Variants in DNAH3 observed in about 807,000 individuals in gnomAD.
DNAH3 encodes axonemal beta dynein heavy chain 3.
A neutral mutation model predicts 432.5 loss-of-function variants in DNAH3; 332 were observed. That is an observed-to-expected ratio of 0.77 (90% CI 0.70 to 0.84). The LOEUF (loss-of-function observed/expected upper bound fraction) is 0.84. Among genes scored for constraint, DNAH3 ranks in the 40% least tolerant of loss-of-function variants. DNAH3 has a pLI of 0.00. For missense variants in DNAH3, 4,861 were observed against 5,114.0 expected, an observed-to-expected ratio of 0.95 and a Z score of 1.51; for synonymous variants, 1,956 against 1,900.2, an observed-to-expected ratio of 1.03 and a Z score of -0.76.
chr16:21,067,598 T>A lies in DNAH3; in HGVS notation c.3382-179A>T, dbSNP rs146858648. 7.8e-4 allele frequency among the ~76,000 whole-genome samples: 119 copies of A among 152,052 alleles called. 1 individual carries two copies. The East Asian group carries it at 0.022, about 28-fold the overall frequency. On this transcript the variant is annotated intron_variant, in intron 23 of 61. Transcript: ENST00000261383. ...ATGGAACATGACCTTGTTCCTCTGA[T>A]CATGGTTGACTGGGCAGGGATTGGG... is the stretch of plus-strand genomic sequence containing the variant.
At chr16:20,944,776 GACACACACACAC>G in intron 57 of DNAH3, 113 bp from the exon 58 acceptor site, 1 of 701,038 alleles carries the variant, frequency 1.4e-6, no homozygotes, top group East Asian at 2.8e-5. Context: ...AGTAGCACAG[GACACACACACAC>G]ACACACACAC....
chr16:21,093,648 G>C (rs1256194801), intron 18 of DNAH3, among the ~76,000 whole-genome samples: 1 of 152,134 alleles, frequency 6.6e-6, no homozygotes, highest in Non-Finnish European at 1.5e-5. Context: ...AATGAAGTTA[G>C]AAGAATCACA....
At chr16:21,040,358 A>ATATTTTTTTTTTTTT (rs771791969) in intron 32 of DNAH3, among the ~76,000 whole-genome samples, 3 of 79,744 alleles carry the variant, frequency 3.8e-5, no homozygotes, top group African/African-American at 1.7e-4. Flanking sequence ...AGCCAGACAG[A>ATATTTTTTTTTTTTT]TTTTTTTTTT....
intron 7 of DNAH3, among the ~76,000 whole-genome samples, chr16:21,130,883 T>C (rs914631009): frequency 9.2e-5 from 14 of 152,168 alleles, no homozygotes; most frequent in African/African-American, 3.4e-4. Flanking sequence ...CTCACTAGTT[T>C]CTATGTTAAT....
chr16:21,014,436 G>C (rs1011500235), intron 41 of DNAH3, among the ~76,000 whole-genome samples: 1 of 152,140 alleles, frequency 6.6e-6, no homozygotes, highest in Non-Finnish European at 1.5e-5. Context: ...CAGTAAACTA[G>C]TAATAGAGGG....
At chr16:20,953,136 T>A (rs1596926960) in intron 55 of DNAH3, among the ~76,000 whole-genome samples, 1 of 151,824 alleles carries the variant, frequency 6.6e-6, no homozygotes, top group South Asian at 2.1e-4. Context: ...TTGTTTTGCT[T>A]TTGTTTGTTT....
intron 26 of DNAH3, 131 bp from the exon 27 acceptor site, chr16:21,058,327 G>T: frequency 1.9e-6 from 1 of 527,498 alleles, no homozygotes; most frequent in South Asian, 3.1e-5. Context: ...GACGCTACAA[G>T]GCTTGACATC....
chr16:20,965,554 C>T, intron 52 of DNAH3, 129 bp from the exon 53 acceptor site: 2 of 702,812 alleles, frequency 2.8e-6, no homozygotes, highest in Non-Finnish European at 4.4e-6. Context: ...CCCAGCCAAC[C>T]TCATCAACCC....
intron 52 of DNAH3, among the ~76,000 whole-genome samples, chr16:20,965,924 G>A (rs2085035370): frequency 1.3e-5 from 2 of 150,436 alleles, no homozygotes; most frequent in African/African-American, 2.5e-5. Context: ...TGTTGACCAG[G>A]CTGGTCTTAA....
At chr16:20,980,286 A>ATAATATACATCATACATTC (rs2085824425) in intron 49 of DNAH3, among the ~76,000 whole-genome samples, 1 of 124,006 alleles carries the variant, frequency 8.1e-6, no homozygotes. Flanking sequence ...ATCATATATT[A>ATAATATACATCATACATTC]TAATATACAT....
chr16:21,110,046 T>C (rs1338449908), intron 14 of DNAH3, among the ~76,000 whole-genome samples: 4 of 152,198 alleles, frequency 2.6e-5, no homozygotes, highest in African/African-American at 9.6e-5. Context: ...ACGTCAGCCA[T>C]GGCACCTGGC....
chr16:20,970,863 CTTTTTT>C (rs869203073), intron 51 of DNAH3, among the ~76,000 whole-genome samples: 1 of 124,090 alleles, frequency 8.1e-6, no homozygotes, highest in Non-Finnish European at 1.7e-5. Flanking sequence ...TTTCTCTATT[CTTTTTT>C]TTTTTTTTTT....
chr16:21,008,184 T>TTC (rs1248093684), intron 41 of DNAH3, among the ~76,000 whole-genome samples: 2 of 151,984 alleles, frequency 1.3e-5, no homozygotes, highest in South Asian at 2.1e-4. Flanking sequence ...CTGTTAAACA[T>TTC]TCTCTCTCTC....
intron 55 of DNAH3, among the ~76,000 whole-genome samples, chr16:20,953,401 C>T (rs1053757827): frequency 6.6e-6 from 1 of 152,080 alleles, no homozygotes; most frequent in African/African-American, 2.4e-5. Context: ...GCAAGTGATC[C>T]GCCTGCCTCG....
At chr16:20,997,284 A>G in exon 44 of DNAH3, 1 of 1,613,706 alleles carries the variant, frequency 6.2e-7, no homozygotes, top group Non-Finnish European at 8.5e-7. Flanking sequence ...TTCACATACC[A>G]GTAATGTCAT....
At chr16:21,055,365 T>C (rs2090096039) in intron 27 of DNAH3, among the ~76,000 whole-genome samples, 1 of 152,128 alleles carries the variant, frequency 6.6e-6, no homozygotes, top group Non-Finnish European at 1.5e-5. Context: ...CTGTCATTTC[T>C]TTTTCAAGAT....
exon 52 of DNAH3, chr16:20,969,824 T>C: frequency 6.2e-7 from 1 of 1,614,178 alleles, no homozygotes; most frequent in South Asian, 1.1e-5. Flanking sequence ...CCTCTCTGGC[T>C]TCATCCCTTT....
chr16:21,085,797 T>C (rs1306970501), intron 19 of DNAH3, among the ~76,000 whole-genome samples: 1 of 151,268 alleles, frequency 6.6e-6, no homozygotes, highest in Non-Finnish European at 1.5e-5. Flanking sequence ...GGCTTTTTTG[T>C]CCCCCCGTTA....
At chr16:21,152,521 C>G (rs1184249775) in intron 1 of DNAH3, among the ~76,000 whole-genome samples, 5 of 152,254 alleles carry the variant, frequency 3.3e-5, no homozygotes, top group Non-Finnish European at 7.3e-5. Flanking sequence ...TTCAGCCCAC[C>G]GCTGCACTGT....
Sources: gnomAD v4.1 joint callset for allele counts (sites outside exome capture counted in the v4.1 genomes callset) on GRCh38, gnomAD v4.1.1 for gene constraint, MANE v1.5 for transcripts, NCBI Gene and HGNC (gene_info 2026-07-23, HGNC 2026-07-21) for gene names.